Variants in PIAS1 observed in about 807,000 individuals in gnomAD.
PIAS1 encodes the protein E3 SUMO-protein ligase PIAS1.
In PIAS1, 6 loss-of-function variants were observed where a neutral mutation model predicts 71.3. The ratio of observed to expected loss-of-function variants is 0.08; its 90% CI spans 0.05 to 0.17. PIAS1 has a LOEUF of 0.17. PIAS1 is among the 10% of genes least tolerant of loss of function. The pLI, the probability that PIAS1 is intolerant of heterozygous loss-of-function variation, is 1.00. For synonymous variants in PIAS1, 303 were observed against 292.9 expected, an observed-to-expected ratio of 1.03 and a Z score of -0.35; for missense variants, 555 against 793.6, an observed-to-expected ratio of 0.70 and a Z score of 3.61.
At chr15:68,166,936 C>G (rs2092961013) in intron 8 of PIAS1, among the ~76,000 whole-genome samples, 1 of 152,186 alleles carries the variant, frequency 6.6e-6, no homozygotes. Flanking sequence ...TGCAGTGCTC[C>G]TGCTTCAACC....
At chr15:68,097,028 G>A (rs565804199) in intron 2 of PIAS1, among the ~76,000 whole-genome samples, 48 of 152,272 alleles carry the variant, frequency 3.2e-4, no homozygotes, top group African/African-American at 1.1e-3. Context: ...TGAATGTGAT[G>A]TTAGTGGTGG....
Position 68,189,756 on chromosome 15 carries a change from A to C in PIAS1, c.*1921A>C, listed in dbSNP as rs2093110251. On this transcript the variant is annotated 3_prime_UTR_variant, in exon 14 of 14. Transcript: ENST00000249636. ...AATGGCTGAGTTATAGTCATAAAAC[A>C]ATTTGCAATAAAAAAAAAACCAAAA... 1 of 152,142 alleles carries C rather than the reference A, an allele frequency of 6.6e-6. No homozygotes were observed. The highest frequency in any genetic ancestry group is 2.4e-5 in the African/African-American group (1 of 41,424). The allele number at this position is 152,142 out of a possible 1,614,324, so 9.4% of individuals were successfully genotyped here.
chr15:68,117,293 C>T (rs2141015924), intron 2 of PIAS1, among the ~76,000 whole-genome samples: 1 of 152,252 alleles, frequency 6.6e-6, no homozygotes, highest in East Asian at 1.9e-4. Context: ...ACCATGTTGG[C>T]CAGGCTGGTC....
intron 2 of PIAS1, among the ~76,000 whole-genome samples, chr15:68,087,053 TA>T (rs1456286932): frequency 6.6e-6 from 1 of 152,188 alleles, no homozygotes; most frequent in Non-Finnish European, 1.5e-5. Flanking sequence ...TAAATTAAAT[TA>T]AAACCAAATG....
At chr15:68,091,963 C>G (rs2092335163) in intron 2 of PIAS1, among the ~76,000 whole-genome samples, 1 of 152,116 alleles carries the variant, frequency 6.6e-6, no homozygotes, top group African/African-American at 2.4e-5. Context: ...TAAGTCGAGC[C>G]ATCTGTAGTC....
At chr15:68,179,564 CTTTTTTTTTTTTTT>C (rs766344324) in intron 11 of PIAS1, among the ~76,000 whole-genome samples, 8 of 40,106 alleles carry the variant, frequency 2.0e-4, no homozygotes, top group East Asian at 2.0e-3. Flanking sequence ...GTGAAATGTT[CTTTTTTTTTTTTTT>C]TTTTTTTTTT....
chr15:68,070,182 A>G (rs1416647870), intron 1 of PIAS1, among the ~76,000 whole-genome samples: 2 of 152,180 alleles, frequency 1.3e-5, no homozygotes, highest in African/African-American at 4.8e-5. Context: ...ATCCATCTGC[A>G]TGAGTGCATG....
chr15:68,145,877 A>C lies in PIAS1; in HGVS notation c.664A>C (p.Lys222Gln). ...EDHFPPNLCV[K>Q]VNTKPCSLPG... ...TCACTTCCCACCCAATCTTTGTGTG[A>C]AAGTGAATACAAAACCTTGCAGCCT... Residue 222 changes from lysine to glutamine, a missense_variant, in exon 5 of 14, where the codon AAA becomes CAA. By Grantham distance (53) the Lys-to-Gln change is moderately conservative. Around this residue, in one of 5 missense-constraint regions of PIAS1, gnomAD observed 134 missense variants for 203.4 expected, o/e 0.66. Transcript: ENST00000249636. 6.2e-7 allele frequency: 1 copy of C among 1,611,444 alleles called. No homozygotes were observed. The highest frequency in any genetic ancestry group is 8.5e-7 in the Non-Finnish European group (1 of 1,177,724).
At chr15:68,156,430 G>A (rs2141067093) in intron 7 of PIAS1, among the ~76,000 whole-genome samples, 1 of 152,202 alleles carries the variant, frequency 6.6e-6, no homozygotes, top group Middle Eastern at 3.4e-3. Flanking sequence ...AGGGCTGGGT[G>A]CAGTGGCTCA....
chr15:68,107,201 A>G (rs1399413520), intron 2 of PIAS1, among the ~76,000 whole-genome samples: 1 of 152,100 alleles, frequency 6.6e-6, no homozygotes, highest in Admixed American at 6.6e-5. Flanking sequence ...CTATTTGTAC[A>G]TGTTTGCTTA....
chr15:68,095,101 A>G (rs980469892), intron 2 of PIAS1, among the ~76,000 whole-genome samples: 40 of 152,184 alleles, frequency 2.6e-4, no homozygotes, highest in African/African-American at 9.2e-4. Context: ...ACCACTCTAT[A>G]CAATTATAAT....
At chr15:68,095,876 A>AG (rs2092371047) in intron 2 of PIAS1, among the ~76,000 whole-genome samples, 1 of 152,244 alleles carries the variant, frequency 6.6e-6, no homozygotes, top group Admixed American at 6.5e-5. Context: ...AGACCCCAAT[A>AG]GCTCTGGGCA....
intron 12 of PIAS1, among the ~76,000 whole-genome samples, chr15:68,182,117 A>G (rs2093056826): frequency 6.6e-6 from 1 of 152,088 alleles, no homozygotes; most frequent in East Asian, 1.9e-4. Context: ...CCTTCTTAAA[A>G]ATTTTTTTTT....
At chr15:68,093,113 A>G (rs1163518556) in intron 2 of PIAS1, among the ~76,000 whole-genome samples, 1 of 152,228 alleles carries the variant, frequency 6.6e-6, no homozygotes, top group Non-Finnish European at 1.5e-5. Flanking sequence ...ATATTTGAGT[A>G]TAGAATCTGT....
chr15:68,069,537 T>A (rs977058691), intron 1 of PIAS1, among the ~76,000 whole-genome samples: 1 of 152,164 alleles, frequency 6.6e-6, no homozygotes, highest in Non-Finnish European at 1.5e-5. Flanking sequence ...GCACGGTGGC[T>A]CATGCCTGTA....
chr15:68,094,896 A>G lies in PIAS1; in HGVS notation c.469+8146A>G, dbSNP rs149861866. ...TACCTGCTAAGTCGTACATTCCTTT[A>G]TAGATAATATTCTGTCTTTTTATCT... On this transcript the variant is annotated intron_variant, in intron 2 of 13. Transcript: ENST00000249636. Among the ~76,000 whole-genome samples, 41 of 152,276 alleles carry G rather than the reference A, an allele frequency of 2.7e-4. 2 individuals are homozygous for G. The East Asian group carries it at 3.3e-3, about 12-fold the overall frequency.
intron 1 of PIAS1, among the ~76,000 whole-genome samples, chr15:68,074,869 T>C (rs2092140890): frequency 6.6e-6 from 1 of 151,886 alleles, no homozygotes; most frequent in Non-Finnish European, 1.5e-5. Context: ...CTTTTTTGTT[T>C]AATGTTTTGG....
At chr15:68,175,801 C>T (rs375365024) in intron 10 of PIAS1, 34 bp downstream of exon 10, 2 of 1,533,068 alleles carry the variant, frequency 1.3e-6, no homozygotes, top group African/African-American at 1.4e-5. Context: ...AGGCAGTCTC[C>T]CTACTGCTCT....
chr15:68,081,422 C>G (rs2092227011), intron 1 of PIAS1, among the ~76,000 whole-genome samples: 2 of 152,126 alleles, frequency 1.3e-5, no homozygotes, highest in African/African-American at 4.8e-5. Flanking sequence ...TTCCCATCAT[C>G]TTTTTAGTAT....
Sources: allele counts gnomAD v4.1 joint callset (sites outside exome capture counted in the v4.1 genomes callset), GRCh38; gene constraint gnomAD v4.1.1; regional missense constraint gnomAD v4.1.1; transcripts MANE v1.5; gene names NCBI Gene and HGNC (gene_info 2026-07-23, HGNC 2026-07-21).